AMBRA1: variants seen among roughly 807,000 people sequenced by gnomAD.
AMBRA1 encodes activating molecule in BECN1-regulated autophagy protein 1.
Under a neutral mutation model 125.4 loss-of-function variants are expected in AMBRA1, and 47 were observed. The ratio of observed to expected loss-of-function variants is 0.37; its 90% confidence interval spans 0.30 to 0.48. The LOEUF (loss-of-function observed/expected upper bound fraction) is 0.48. AMBRA1 is among the 20% of genes least tolerant of loss of function. The pLI is 0.99. For synonymous variants in AMBRA1, 626 were observed against 655.5 expected (o/e 0.95, Z 0.69); for missense variants, 1,331 against 1,693.4 (o/e 0.79, Z 3.76).
At chr11:46,409,516 A>C (rs890509645) in intron 16 of AMBRA1, among the ~76,000 whole-genome samples, 6 of 152,146 alleles carry the variant, frequency 3.9e-5, no homozygotes, top group Non-Finnish European at 8.8e-5. Context: ...AACTCTTATG[A>C]GGCTGTTCTG....
chr11:46,507,562 T>C (rs1951097491), intron 9 of AMBRA1, among the ~76,000 whole-genome samples: 1 of 150,816 alleles, frequency 6.6e-6, no homozygotes, highest in Non-Finnish European at 1.5e-5. Flanking sequence ...CTCCCATGGC[T>C]CTCCCCGCTG....
At chr11:46,512,653 G>A in intron 8 of AMBRA1, 74 bp downstream of exon 8, 1 of 1,203,330 alleles carries the variant, frequency 8.3e-7, no homozygotes, top group Non-Finnish European at 1.2e-6. Context: ...GCACAGAACG[G>A]AGCTTCCAAC....
chr11:46,478,019 G>T (rs1949895016), intron 11 of AMBRA1, among the ~76,000 whole-genome samples: 1 of 151,544 alleles, frequency 6.6e-6, no homozygotes. Context: ...TAGTTTACTG[G>T]TGAATGAAAA....
At chr11:46,576,782 T>C (rs1312515743) in intron 1 of AMBRA1, among the ~76,000 whole-genome samples, 10 of 152,338 alleles carry the variant, frequency 6.6e-5, no homozygotes, top group South Asian at 2.1e-4. Flanking sequence ...TTCATGTAAA[T>C]GCAACATGGC....
At chr11:46,441,889 T>A (rs1948025742) in intron 12 of AMBRA1, among the ~76,000 whole-genome samples, 1 of 150,008 alleles carries the variant, frequency 6.7e-6, no homozygotes, top group Non-Finnish European at 1.5e-5. Flanking sequence ...AGATTTATAC[T>A]ATGGAGGTTC....
At chr11:46,509,499 A>C (rs976909201) in intron 8 of AMBRA1, among the ~76,000 whole-genome samples, 4 of 152,264 alleles carry the variant, frequency 2.6e-5, no homozygotes, top group Non-Finnish European at 4.4e-5. Context: ...ATATATAAGA[A>C]AGTTCATTTG....
intron 15 of AMBRA1, among the ~76,000 whole-genome samples, chr11:46,410,640 AAG>A (rs1380687931): frequency 7.2e-5 from 11 of 152,234 alleles, no homozygotes; most frequent in Admixed American, 3.9e-4. Flanking sequence ...CCTCGGAGCT[AAG>A]AGACAGCTAA....
chr11:46,537,341 G>T (rs1286096563), intron 7 of AMBRA1, among the ~76,000 whole-genome samples: 2 of 152,144 alleles, frequency 1.3e-5, no homozygotes, highest in African/African-American at 4.8e-5. Context: ...CAGGGCCCAG[G>T]AGTTCAAACC....
At chr11:46,448,638 T>C (rs1565170110) in intron 11 of AMBRA1, among the ~76,000 whole-genome samples, 1 of 151,976 alleles carries the variant, frequency 6.6e-6, no homozygotes, top group Non-Finnish European at 1.5e-5. Flanking sequence ...GGAAATCACC[T>C]ATAGAGAAAA....
intron 11 of AMBRA1, among the ~76,000 whole-genome samples, chr11:46,447,282 C>A (rs1007817675): frequency 1.3e-5 from 2 of 151,774 alleles, no homozygotes; most frequent in Non-Finnish European, 2.9e-5. Context: ...CACCTGTAAT[C>A]CCAGCACTTT....
chr11:46,488,345 A>T (rs895914121), intron 11 of AMBRA1, among the ~76,000 whole-genome samples: 2 of 152,078 alleles, frequency 1.3e-5, no homozygotes, highest in Non-Finnish European at 2.9e-5. Context: ...AATCTCAGCT[A>T]CTCAGGAGGC....
chr11:46,498,462 G>A (rs1950717220), intron 9 of AMBRA1, among the ~76,000 whole-genome samples: 1 of 152,100 alleles, frequency 6.6e-6, no homozygotes. Flanking sequence ...GGGTATTTGG[G>A]AAGGAGTAGG....
At chr11:46,478,082 C>T (rs898064090) in intron 11 of AMBRA1, among the ~76,000 whole-genome samples, 1 of 151,920 alleles carries the variant, frequency 6.6e-6, no homozygotes, top group African/African-American at 2.4e-5. Context: ...TGACCTGAGG[C>T]CCAATCTATG....
chr11:46,462,324 A>C (rs139757774), intron 11 of AMBRA1, among the ~76,000 whole-genome samples: 2 of 152,294 alleles, frequency 1.3e-5, no homozygotes, highest in African/African-American at 4.8e-5. Context: ...GGGTATGGGA[A>C]ACCAGGAAAT....
intron 17 of AMBRA1, among the ~76,000 whole-genome samples, chr11:46,407,111 G>T (rs539631684): frequency 6.6e-6 from 1 of 152,058 alleles, no homozygotes; most frequent in African/African-American, 2.4e-5. Context: ...CTCGGGAAGC[G>T]GTGGTTGCAG....
intron 1 of AMBRA1, among the ~76,000 whole-genome samples, chr11:46,549,437 T>A (rs1304907816): frequency 6.6e-6 from 1 of 152,222 alleles, no homozygotes; most frequent in Non-Finnish European, 1.5e-5. Context: ...ATTTGCCTCA[T>A]CTATCTCCAT....
intron 15 of AMBRA1, among the ~76,000 whole-genome samples, chr11:46,416,603 A>T (rs1379006034): frequency 6.6e-6 from 1 of 152,226 alleles, no homozygotes; most frequent in Admixed American, 6.5e-5. Context: ...GAGCTGACCC[A>T]AATACATCCT....
At chr11:46,591,941 ATTTTTTT>A (rs1167665024) in intron 1 of AMBRA1, among the ~76,000 whole-genome samples, 1 of 115,136 alleles carries the variant, frequency 8.7e-6, no homozygotes, top group South Asian at 2.8e-4. Context: ...CTCAAGACTG[ATTTTTTT>A]TTTTTTTTTT....
chr11:46,502,920 G>C (rs1204440144), intron 9 of AMBRA1, among the ~76,000 whole-genome samples: 3 of 151,838 alleles, frequency 2.0e-5, no homozygotes, highest in African/African-American at 7.3e-5. Flanking sequence ...AATTAGCTGG[G>C]CGTGGTGGCA....
Sources: allele counts gnomAD v4.1 joint callset (sites outside exome capture counted in the v4.1 genomes callset), GRCh38; gene constraint gnomAD v4.1.1; transcripts MANE v1.5; gene names NCBI Gene and HGNC (gene_info 2026-07-23, HGNC 2026-07-21).